The following GALNT13 variants were observed in gnomAD, a reference collection of about 807,000 sequenced individuals.
GALNT13 encodes the protein polypeptide N-acetylgalactosaminyltransferase 13.
A neutral mutation model predicts 64.2 loss-of-function variants in GALNT13; 28 were observed. That is an observed-to-expected ratio of 0.44 (90% CI 0.32 to 0.60). The LOEUF (loss-of-function observed/expected upper bound fraction) is 0.60, where lower values mean the gene tolerates loss of function less well. Ranked by LOEUF, GALNT13 falls within the 20% of genes least tolerant of loss-of-function variation. The pLI, the probability that GALNT13 is intolerant of heterozygous loss-of-function variation, is 0.05. For missense variants in GALNT13, 577 were observed against 669.8 expected (o/e 0.86, Z 1.53); for synonymous variants, 214 against 224.6 (o/e 0.95, Z 0.42).
the GALNT13 span, among the ~76,000 whole-genome samples, chr2:153,712,913 C>T: frequency 6.6e-6 from 1 of 152,100 alleles, no homozygotes; most frequent in East Asian, 1.9e-4. Context: ...TCTAATCATA[C>T]CCTGCCCCAC....
intron 12 of GALNT13, chr2:154,446,432 G>T: frequency 1.1e-6 from 1 of 934,994 alleles, no homozygotes; most frequent in Non-Finnish European, 1.5e-6. Context: ...GTGGCTCACA[G>T]CTCCATGGAT....
chr2:153,526,105 A>G, the GALNT13 span, among the ~76,000 whole-genome samples: 1 of 152,260 alleles, frequency 6.6e-6, no homozygotes, highest in African/African-American at 2.4e-5. Context: ...CACTCTAGAC[A>G]TGCCCCAGGG....
intron 3 of GALNT13, among the ~76,000 whole-genome samples, chr2:153,955,191 T>C (rs1692478116): frequency 6.6e-6 from 1 of 152,124 alleles, no homozygotes; most frequent in Non-Finnish European, 1.5e-5. Flanking sequence ...TTGAAAGCAA[T>C]AGTGAAACAC....
At chr2:154,352,992 T>C (rs1484733668) in intron 9 of GALNT13, among the ~76,000 whole-genome samples, 2 of 152,168 alleles carry the variant, frequency 1.3e-5, no homozygotes, top group African/African-American at 2.4e-5. Flanking sequence ...AAATGGAGCA[T>C]TGGCCTTTTT....
chr2:153,549,149 T>A, the GALNT13 span, among the ~76,000 whole-genome samples: 4 of 152,150 alleles, frequency 2.6e-5, no homozygotes, highest in African/African-American at 9.7e-5. Flanking sequence ...TAGGGGTTTC[T>A]TTTTGGGGTG....
chr2:153,640,523 A>T, the GALNT13 span, among the ~76,000 whole-genome samples: 1 of 152,168 alleles, frequency 6.6e-6, no homozygotes, highest in Non-Finnish European at 1.5e-5. Flanking sequence ...TCATACCTGT[A>T]ATCCTAGCAC....
the GALNT13 span, among the ~76,000 whole-genome samples, chr2:153,799,112 T>G: frequency 3.3e-5 from 5 of 152,148 alleles, no homozygotes; most frequent in Non-Finnish European, 5.9e-5. Context: ...GAAGAAAAAG[T>G]GGGCATTGTG....
the GALNT13 span, among the ~76,000 whole-genome samples, chr2:153,252,635 A>C: frequency 1.3e-5 from 2 of 152,104 alleles, no homozygotes; most frequent in Non-Finnish European, 2.9e-5. Context: ...ATCCATCTTG[A>C]ATTAATTTTT....
chr2:153,430,326 G>A, the GALNT13 span, among the ~76,000 whole-genome samples: 1 of 151,976 alleles, frequency 6.6e-6, no homozygotes, highest in Non-Finnish European at 1.5e-5. Context: ...ACTGTTATAG[G>A]TTGTGAGTTT....
At chr2:153,622,112 G>C in the GALNT13 span, among the ~76,000 whole-genome samples, 1 of 152,208 alleles carries the variant, frequency 6.6e-6, no homozygotes, top group African/African-American at 2.4e-5. Context: ...TGCACTTAAA[G>C]TGTTCCAAGG....
chr2:153,171,111 C>T, the GALNT13 span, among the ~76,000 whole-genome samples: 1 of 152,228 alleles, frequency 6.6e-6, no homozygotes, highest in Non-Finnish European at 1.5e-5. Context: ...GAGATATACT[C>T]CTGTATCAGC....
chr2:153,800,083 T>TCTCTCTCTCTCTCTCC, the GALNT13 span, among the ~76,000 whole-genome samples: 1 of 132,360 alleles, frequency 7.6e-6, no homozygotes, highest in Non-Finnish European at 1.7e-5. Flanking sequence ...TCTCTCTCTC[T>TCTCTCTCTCTCTCTCC]CCACCCCCCA....
At chr2:153,304,335 T>C in the GALNT13 span, among the ~76,000 whole-genome samples, 1 of 152,008 alleles carries the variant, frequency 6.6e-6, no homozygotes, top group Non-Finnish European at 1.5e-5. Context: ...ATTCCACCTA[T>C]AGATGAACTT....
At chr2:154,337,748 A>C (rs1695536662) in intron 9 of GALNT13, among the ~76,000 whole-genome samples, 1 of 152,120 alleles carries the variant, frequency 6.6e-6, no homozygotes, top group Admixed American at 6.6e-5. Context: ...ATCTAAATTT[A>C]ACATTCTTTT....
the GALNT13 span, among the ~76,000 whole-genome samples, chr2:153,228,485 C>G: frequency 6.6e-6 from 1 of 152,030 alleles, no homozygotes; most frequent in African/African-American, 2.4e-5. Context: ...TCTAGACTTG[C>G]AATTATTTCA....
chr2:154,369,102 G>A (rs1334548531), intron 9 of GALNT13, among the ~76,000 whole-genome samples: 2 of 151,276 alleles, frequency 1.3e-5, no homozygotes, highest in Non-Finnish European at 2.9e-5. Flanking sequence ...TACAATTCTG[G>A]AAAAAAAATG....
the GALNT13 span, among the ~76,000 whole-genome samples, chr2:153,839,607 A>C: frequency 2.6e-5 from 4 of 151,840 alleles, no homozygotes; most frequent in Non-Finnish European, 5.9e-5. Flanking sequence ...TTAATTATGA[A>C]TTATGTAAAG....
At chr2:153,290,474 A>G in the GALNT13 span, among the ~76,000 whole-genome samples, 10 of 152,340 alleles carry the variant, frequency 6.6e-5, no homozygotes, top group African/African-American at 2.4e-4. Flanking sequence ...ATCTGTCACA[A>G]TTAAAGCAGT....
intron 12 of GALNT13, among the ~76,000 whole-genome samples, chr2:154,445,299 T>A (rs758936055): frequency 9.2e-5 from 14 of 152,014 alleles, no homozygotes; most frequent in Non-Finnish European, 2.1e-4. Context: ...CCTGGGGTCA[T>A]GTTTCCAGAG....
Sources: allele counts gnomAD v4.1 joint callset (sites outside exome capture counted in the v4.1 genomes callset), GRCh38; gene constraint gnomAD v4.1.1; transcripts MANE v1.5; gene names NCBI Gene and HGNC (gene_info 2026-07-23, HGNC 2026-07-21).